The following DIS3L variants were observed in gnomAD, a reference collection of about 807,000 sequenced individuals.
DIS3L encodes DIS3 like exosome 3'-5' exoribonuclease.
A neutral mutation model predicts 120.3 loss-of-function variants in DIS3L; 100 were observed. That is an observed-to-expected ratio of 0.83 (90% confidence interval 0.71 to 0.98). The LOEUF (loss-of-function observed/expected upper bound fraction) is 0.98. Ranked by LOEUF, DIS3L falls within the 50% of genes least tolerant of loss-of-function variation. The pLI is 0.00. For missense variants in DIS3L, 1,196 were observed against 1,314.2 expected, an observed-to-expected ratio of 0.91 and a Z score of 1.39; for synonymous variants, 426 against 470.6, an observed-to-expected ratio of 0.91 and a Z score of 1.23.
Position 66,333,186 on chromosome 15 carries a change from C to G in DIS3L, c.3039C>G (p.Val1013=). 3.1e-6 allele frequency: 5 copies of G among 1,613,932 alleles called. No homozygotes were observed. Among genetic ancestry groups the G allele is most frequent in the Non-Finnish European group, 4.2e-6 (5 of 1,180,002 alleles). The change falls in exon 17 of 17, where the codon GTC becomes GTG. Residue 1013 remains valine (V), a synonymous_variant. Coordinates refer to ENST00000319212, the MANE Select transcript of DIS3L (RefSeq NM_001143688.3). The part of the protein sequence containing the change: ...SVEEAQLAQE[V]KVNIIQEEYQ... ...AAGAAGCTCAGCTTGCCCAAGAAGT[C>G]AAAGTAAACATCATTCAGGAGGAAT...
At chr15:66,325,755 T>C (rs1035424434) in intron 11 of DIS3L, 76 bp from the exon 12 acceptor site, 3 of 1,496,480 alleles carry the variant, frequency 2.0e-6, no homozygotes, top group Non-Finnish European at 2.7e-6. Flanking sequence ...AGCAAGATCC[T>C]GTCTCAAAAA....
rs771082835 is a variant in DIS3L at position 66,322,802 on chromosome 15, G to C, written c.1442G>C (p.Gly481Ala). The change falls in exon 10 of 17, where the codon GGT becomes GCT. Residue 481 changes from glycine to alanine, a missense_variant. Gly to Ala is a moderately conservative substitution (Grantham distance 60). Coordinates refer to ENST00000319212, the MANE Select transcript of DIS3L (RefSeq NM_001143688.3). Reference protein sequence around the residue: ...SHLVFSIDPKGCEDVDDTLSV... With the variant: ...SHLVFSIDPKACEDVDDTLSV... ...CTCGTATTCAGCATTGACCCCAAAGGTTGTGAAGATGTGGATGACACACTC... is the reference window on the plus strand; with the variant it reads ...CTCGTATTCAGCATTGACCCCAAAGCTTGTGAAGATGTGGATGACACACTC... 4.3e-6 allele frequency: 7 copies of C among 1,614,162 alleles called. No homozygotes were observed. Among genetic ancestry groups the C allele is most frequent in the Non-Finnish European group, 4.2e-6 (5 of 1,180,030 alleles).
intron 1 of DIS3L, 72 bp downstream of exon 1, chr15:66,293,807 C>A: frequency 9.2e-7 from 1 of 1,085,770 alleles, no homozygotes; most frequent in Non-Finnish European, 1.1e-6. Flanking sequence ...TGAGCGCGGC[C>A]GGGAGGCGGA....
chr15:66,330,920 C>T (rs1024786399), intron 14 of DIS3L, among the ~76,000 whole-genome samples: 1 of 152,128 alleles, frequency 6.6e-6, no homozygotes, highest in African/African-American at 2.4e-5. Context: ...TTTTCGAGGT[C>T]GAGGCCGGTG....
At chr15:66,303,050 T>C (rs1485857034) in intron 2 of DIS3L, among the ~76,000 whole-genome samples, 1 of 152,198 alleles carries the variant, frequency 6.6e-6, no homozygotes, top group Non-Finnish European at 1.5e-5. Context: ...GTACCTCATG[T>C]AACTGGAATG....
chr15:66,317,975 G>A (rs1006105233), intron 7 of DIS3L, among the ~76,000 whole-genome samples: 2 of 151,948 alleles, frequency 1.3e-5, no homozygotes, highest in African/African-American at 4.8e-5. Context: ...TTTGGTTTTT[G>A]TTTATGTGTT....
intron 9 of DIS3L, among the ~76,000 whole-genome samples, chr15:66,321,733 T>C (rs1215538435): frequency 1.4e-5 from 2 of 147,440 alleles, no homozygotes; most frequent in Non-Finnish European, 3.0e-5. Flanking sequence ...ACCGCTGCAC[T>C]CCAGCCTGGG....
At chr15:66,305,251 C>T (rs1482922417) in intron 2 of DIS3L, among the ~76,000 whole-genome samples, 2 of 151,916 alleles carry the variant, frequency 1.3e-5, no homozygotes, top group African/African-American at 2.4e-5. Flanking sequence ...CCTCCTGCCT[C>T]GCCTCCCAAA....
At chr15:66,316,243 C>T (rs1288149305) in intron 7 of DIS3L, among the ~76,000 whole-genome samples, 1 of 152,156 alleles carries the variant, frequency 6.6e-6, no homozygotes, top group Non-Finnish European at 1.5e-5. Flanking sequence ...CCACGTGTTC[C>T]CCAGTCTCAG....
At position 66,322,686 on chromosome 15, in the gene DIS3L, G is replaced by T. The variant is rs749343450; in HGVS notation, c.1327-1G>T. On this transcript the variant is annotated splice_acceptor_variant, in intron 9 of 16. Transcript: ENST00000319212. LOFTEE classifies it high-confidence loss of function. Reference sequence around the variant, plus strand: ...TGCTGAATATTTGGTTTCTCATACAGATGTGTGAGATGCCAGTAAACACAC... The same window carrying T: ...TGCTGAATATTTGGTTTCTCATACATATGTGTGAGATGCCAGTAAACACAC... 9 of 1,613,894 alleles carry T rather than the reference G, an allele frequency of 5.6e-6. No homozygotes were observed. The highest frequency in any genetic ancestry group is 2.7e-5 in the African/African-American group (2 of 74,938).
At chr15:66,323,681 C>A in intron 11 of DIS3L, 96 bp downstream of exon 11, 2 of 1,266,080 alleles carry the variant, frequency 1.6e-6, no homozygotes, top group Non-Finnish European at 2.3e-6. Context: ...TCTGCTATGC[C>A]CCACCCCAGC....
intron 14 of DIS3L, among the ~76,000 whole-genome samples, chr15:66,331,223 A>G (rs1485765897): frequency 1.3e-5 from 2 of 152,084 alleles, no homozygotes; most frequent in Non-Finnish European, 2.9e-5. Flanking sequence ...GCTAATTTAG[A>G]CTTCCACCAA....
In DIS3L at chr15:66,315,204, C is replaced by T; in HGVS notation, c.983C>T (p.Pro328Leu). The change falls in exon 7 of 17, where the codon CCC (proline) becomes CTC (leucine). Residue 328 changes from proline (P) to leucine (L), a missense_variant. Physicochemically the swap from Pro to Leu is moderately conservative, Grantham distance 98. Transcript: ENST00000319212. ...GCTTCGGGCGAGTCCCCAAGTGAGC[C>T]CATGCCTACAGGTGAGCCAGCTGCA... ...DKASGESPSE[P>L]MPTGRVVGIL... The T allele has an allele frequency of 6.2e-7, 1 of 1,611,634 alleles. No homozygotes were observed. The highest frequency in any genetic ancestry group is 1.3e-5 in the African/African-American group (1 of 74,984).
chr15:66,310,162 C>G (rs1302192921), intron 4 of DIS3L, among the ~76,000 whole-genome samples: 1 of 152,112 alleles, frequency 6.6e-6, no homozygotes, highest in African/African-American at 2.4e-5. Context: ...TTTTGAATTG[C>G]AGATTCTGTA....
At chr15:66,315,475 A>C (rs183381380) in intron 7 of DIS3L, among the ~76,000 whole-genome samples, 142 of 152,240 alleles carry the variant, frequency 9.3e-4, no homozygotes, top group Non-Finnish European at 1.4e-3. Context: ...TGTGATGAAA[A>C]CACTTAAGAT....
chr15:66,323,071 C>A, intron 10 of DIS3L, 137 bp downstream of exon 10: 2 of 1,031,984 alleles, frequency 1.9e-6, no homozygotes, highest in Non-Finnish European at 2.8e-6. Context: ...AGTTGAGGTC[C>A]ACTCTCCATT....
Position 66,329,021 on chromosome 15 carries a change from T to C in DIS3L, c.2253T>C (p.Asp751=). Residue 751 remains aspartate, a synonymous_variant, in exon 13 of 17, where the codon GAT becomes GAC. Coordinates refer to ENST00000319212, the MANE Select transcript of DIS3L (RefSeq NM_001143688.3). The part of the protein sequence containing the change: ...DSLDNANDPH[D]PIVNRLLRSM... ...TGGATAATGCGAACGACCCCCACGA[T>C]CCCATTGTGAACAGGCTACTGCGCT... 1 of 1,614,158 alleles carries C rather than the reference T, an allele frequency of 6.2e-7. No individual in the cohort carries two copies. The highest frequency in any genetic ancestry group is 8.5e-7 in the Non-Finnish European group (1 of 1,180,040).
At position 66,293,720 on chromosome 15, in the gene DIS3L, G is replaced by C. The variant is rs1287092664; in HGVS notation, c.124G>C (p.Ala42Pro). The change falls in exon 1 of 17, where the codon GCC becomes CCC. Residue 42 changes from alanine (A) to proline (P), a missense_variant. Transcript: ENST00000319212. ...CCACAGCCCGCTCTGCCCGCAGCCC[G>C]CCGCCTGCAGCCACGGTCAGGGCCG... Reference protein sequence around the residue: ...PCHSPLCPQPAACSHDGKLLS... With the variant: ...PCHSPLCPQPPACSHDGKLLS... The C allele has an allele frequency of 2.3e-6, 3 of 1,309,742 alleles. No homozygotes were observed. The African/African-American group carries it at 4.6e-5, about 20-fold the overall frequency. The allele number at this position is 1,309,742 out of a possible 1,614,324, so 81.1% of individuals were successfully genotyped here.
intron 2 of DIS3L, among the ~76,000 whole-genome samples, chr15:66,300,053 AAAAT>A (rs896972913): frequency 8.5e-5 from 13 of 152,266 alleles, no homozygotes; most frequent in African/African-American, 2.9e-4. Flanking sequence ...TCCATCTCCA[AAAAT>A]AAATAAATAA....
Sources: gnomAD v4.1 joint callset for allele counts (sites outside exome capture counted in the v4.1 genomes callset) on GRCh38, gnomAD v4.1.1 for gene constraint, MANE v1.5 for transcripts, NCBI Gene and HGNC (gene_info 2026-07-23, HGNC 2026-07-21) for gene names.